The following BNC2 variants were observed in gnomAD, a reference collection of about 807,000 sequenced individuals.
BNC2 encodes basonuclin zinc finger protein 2, also known as zinc finger protein basonuclin-2.
In BNC2, 20 loss-of-function variants were observed where a neutral mutation model predicts 76.3. The observed-to-expected ratio is 0.26, with a 90% CI of 0.18 to 0.38. The LOEUF (loss-of-function observed/expected upper bound fraction) is 0.38, where lower values mean the gene tolerates loss of function less well. Among genes scored for constraint, BNC2 ranks in the 10% least tolerant of loss-of-function variants. The pLI, the probability that BNC2 is intolerant of heterozygous loss-of-function variation, is 1.00. For synonymous variants in BNC2, 582 were observed against 514.8 expected, an observed-to-expected ratio of 1.13 and a Z score of -1.77; for missense variants, 1,382 against 1,399.8, an observed-to-expected ratio of 0.99 and a Z score of 0.20.
At chr9:16,585,215 TTA>T (rs1252328353) in intron 3 of BNC2, among the ~76,000 whole-genome samples, 5 of 152,162 alleles carry the variant, frequency 3.3e-5, no homozygotes, top group Non-Finnish European at 7.4e-5. Context: ...TGATTTATTT[TTA>T]TGTGTATTTA....
At chr9:16,868,618 A>G (rs1445452660) in intron 1 of BNC2, among the ~76,000 whole-genome samples, 3 of 152,226 alleles carry the variant, frequency 2.0e-5, no homozygotes, top group Admixed American at 6.5e-5. Flanking sequence ...GTTCAGGTTC[A>G]AGCTCGTTAT....
intron 1 of BNC2, among the ~76,000 whole-genome samples, chr9:16,755,804 G>C (rs976366716): frequency 2.6e-5 from 4 of 152,158 alleles, no homozygotes; most frequent in African/African-American, 7.2e-5. Context: ...ATCTGCTATT[G>C]AGGGCTTGGA....
chr9:16,500,285 T>TC (rs112711247), intron 5 of BNC2, among the ~76,000 whole-genome samples: 5,721 of 152,204 alleles, frequency 0.038, 369 homozygotes, highest in African/African-American at 0.13. Context: ...ACCTTGCCTG[T>TC]CCCCAAACCC....
chr9:16,616,608 G>C (rs574117075), intron 3 of BNC2, among the ~76,000 whole-genome samples: 2 of 151,136 alleles, frequency 1.3e-5, no homozygotes, highest in South Asian at 4.2e-4. Context: ...ATCTCTACTT[G>C]AGCCCAGGAG....
intron 3 of BNC2, among the ~76,000 whole-genome samples, chr9:16,591,077 T>C (rs1229393564): frequency 1.3e-5 from 2 of 152,154 alleles, no homozygotes; most frequent in Admixed American, 6.5e-5. Flanking sequence ...CACATGATAG[T>C]AATGGTGATT....
intron 3 of BNC2, among the ~76,000 whole-genome samples, chr9:16,608,185 CTATTTT>C (rs541261481): frequency 7.2e-5 from 11 of 152,210 alleles, no homozygotes; most frequent in East Asian, 1.9e-4. Context: ...TTCCTACTTC[CTATTTT>C]TAAGTTATTT....
chr9:16,708,967 G>A (rs1474948042), intron 3 of BNC2, among the ~76,000 whole-genome samples: 6 of 152,124 alleles, frequency 3.9e-5, no homozygotes, highest in East Asian at 3.9e-4. Context: ...AATTTATAAC[G>A]CTTCACCCTA....
chr9:16,592,325 A>G (rs1819953299), intron 3 of BNC2, among the ~76,000 whole-genome samples: 1 of 152,184 alleles, frequency 6.6e-6, no homozygotes. Flanking sequence ...AAAATTCAGT[A>G]TATTAATATA....
intron 1 of BNC2, among the ~76,000 whole-genome samples, chr9:16,774,626 A>C (rs1431823761): frequency 6.6e-6 from 1 of 152,260 alleles, no homozygotes; most frequent in Non-Finnish European, 1.5e-5. Flanking sequence ...TTTACTAAAA[A>C]CATACAAGCA....
At chr9:16,819,758 C>A (rs541040933) in intron 1 of BNC2, among the ~76,000 whole-genome samples, 2 of 152,224 alleles carry the variant, frequency 1.3e-5, no homozygotes, top group African/African-American at 4.8e-5. Context: ...GGTACCCATA[C>A]CAAGCACTCT....
intron 3 of BNC2, among the ~76,000 whole-genome samples, chr9:16,606,289 A>AAGAG (rs113841625): frequency 0.1 from 15,899 of 152,158 alleles, 1,319 homozygotes; most frequent in African/African-American, 0.23. Context: ...ATAAAGAAAA[A>AAGAG]AGTTCACTCT....
At chr9:16,843,718 G>C (rs1295418569) in intron 1 of BNC2, among the ~76,000 whole-genome samples, 2 of 152,176 alleles carry the variant, frequency 1.3e-5, no homozygotes, top group African/African-American at 4.8e-5. Context: ...AGCTACTTTA[G>C]GTTTACCATG....
chr9:16,630,826 G>A (rs1012531680), intron 3 of BNC2, among the ~76,000 whole-genome samples: 8 of 147,830 alleles, frequency 5.4e-5, no homozygotes, highest in South Asian at 2.2e-4. Flanking sequence ...TGCAACCTCC[G>A]CCTCCCGGGT....
At chr9:16,770,937 G>A (rs553196664) in intron 1 of BNC2, among the ~76,000 whole-genome samples, 8 of 152,248 alleles carry the variant, frequency 5.3e-5, no homozygotes, top group East Asian at 3.9e-4. Context: ...TTGGGAGTCC[G>A]AGGCAGGTGG....
chr9:16,779,777 G>T (rs995123807), intron 1 of BNC2, among the ~76,000 whole-genome samples: 4 of 152,168 alleles, frequency 2.6e-5, no homozygotes, highest in African/African-American at 9.7e-5. Context: ...TCCAGAAGAG[G>T]CAATCCATAG....
intron 1 of BNC2, among the ~76,000 whole-genome samples, chr9:16,798,079 G>GT (rs1485133494): frequency 2.0e-5 from 3 of 152,144 alleles, no homozygotes; most frequent in African/African-American, 7.2e-5. Flanking sequence ...AATCCCTTTT[G>GT]TTGATCTGGA....
intron 3 of BNC2, among the ~76,000 whole-genome samples, chr9:16,663,905 C>T (rs1735173191): frequency 1.3e-5 from 2 of 152,142 alleles, no homozygotes; most frequent in African/African-American, 2.4e-5. Flanking sequence ...TAGAAACTTG[C>T]CTAGAGTCTA....
chr9:16,512,282 A>C (rs1822774919), intron 5 of BNC2, among the ~76,000 whole-genome samples: 2 of 152,224 alleles, frequency 1.3e-5, no homozygotes, highest in South Asian at 4.1e-4. Flanking sequence ...ATGCTATTTC[A>C]ACATGTGGTA....
rs1480278008 is a variant in BNC2, at chr9:16,727,829, C to T, written c.298G>A (p.Asp100Asn). 1 of 1,614,012 alleles carries T rather than the reference C, an allele frequency of 6.2e-7. No individual in the cohort carries two copies. Among genetic ancestry groups the T allele is most frequent in the African/African-American group, 1.3e-5 (1 of 74,910 alleles). The part of the protein sequence containing the change: ...PGFMGTWQNA[D>N]TNLLFRMSQQ... ...GACATTCTGAATAAGAGGTTAGTAT[C>T]AGCGTTTTGCCATGTCCCCATGAAC... Residue 100 changes from aspartate (D) to asparagine (N), a missense_variant, in exon 3 of 7, where the codon GAT (aspartate) becomes AAT (asparagine). By Grantham distance (23) the Asp-to-Asn change is conservative. This residue lies in a region of BNC2 where 557 missense variants were observed against 540.9 expected (regional missense o/e 1.03). Transcript: ENST00000380672.
Sources: gnomAD v4.1 joint callset for allele counts (sites outside exome capture counted in the v4.1 genomes callset) on GRCh38, gnomAD v4.1.1 for gene constraint, gnomAD v4.1.1 regional missense constraint, MANE v1.5 for transcripts, NCBI Gene and HGNC (gene_info 2026-07-23, HGNC 2026-07-21) for gene names.